KLHL23: variants seen among roughly 807,000 people sequenced by gnomAD.
KLHL23 encodes kelch like family member 23.
A neutral mutation model predicts 48.9 loss-of-function variants in KLHL23; 33 were observed. The observed-to-expected ratio is 0.67, with a 90% CI of 0.51 to 0.90. The LOEUF (loss-of-function observed/expected upper bound fraction) is 0.90. KLHL23 is among the 40% of genes least tolerant of loss of function. The pLI is 0.00. For synonymous variants in KLHL23, 234 were observed against 231.6 expected, an observed-to-expected ratio of 1.01 and a Z score of -0.09; for missense variants, 608 against 669.6, an observed-to-expected ratio of 0.91 and a Z score of 1.02.
In KLHL23 at chr2:169,736,160, A is replaced by T. The variant is rs143163061; in HGVS notation, c.1146A>T (p.Pro382=). The T allele has an allele frequency of 1.1e-4, 181 of 1,614,132 alleles. No individual in the cohort carries two copies. The highest frequency in any genetic ancestry group is 9.9e-4 in the Middle Eastern group (6 of 6,062). ...YALGGYRKGA[P]AEEAEFYDPL... is the part of the protein sequence containing the mutation. Reference sequence around the variant, plus strand: ...TAGGTGGTTACAGAAAAGGGGCTCCAGCAGAAGAGGCTGAGTTCTATGATC... The same window carrying T: ...TAGGTGGTTACAGAAAAGGGGCTCCTGCAGAAGAGGCTGAGTTCTATGATC... The change falls in exon 2 of 4, where the codon CCA becomes CCT. Residue 382 remains proline (P), a synonymous_variant. Coordinates refer to ENST00000392647, the MANE Select transcript of KLHL23 (RefSeq NM_144711.6).
At chr2:169,745,513 C>CA (rs1157957265) in intron 3 of KLHL23, among the ~76,000 whole-genome samples, 36,492 of 63,610 alleles carry the variant, frequency 0.57, 14,230 homozygotes, top group East Asian at 0.74. Context: ...GACTCCGTCT[C>CA]AAAAAAAAAA....
At position 169,741,263 on chromosome 2, in the gene KLHL23, T is replaced by G. The variant is rs528687875; in HGVS notation, c.1214-122T>G. 1.2e-5 allele frequency: 16 copies of G among 1,335,652 alleles called. No homozygotes were observed. The African/African-American group carries it at 1.9e-4, about 16-fold the overall frequency. 82.7% of individuals were successfully genotyped at this position (1,335,652 alleles called of 1,614,324 possible). A position where few individuals can be genotyped will look rare whatever the true frequency, so the allele number is the denominator to read the frequency against. Reference sequence around the variant, plus strand: ...TTTATTCTTTTGTCCCTTATAGCACTTAGCACAGTACCTTGCATTTTACCA... The same window carrying G: ...TTTATTCTTTTGTCCCTTATAGCACGTAGCACAGTACCTTGCATTTTACCA... On this transcript the variant is annotated intron_variant, in intron 2 of 3. Coordinates refer to ENST00000392647, the MANE Select transcript of KLHL23 (RefSeq NM_144711.6).
intron 3 of KLHL23, among the ~76,000 whole-genome samples, chr2:169,743,580 A>G (rs768159715): frequency 6.6e-6 from 1 of 152,242 alleles, no homozygotes; most frequent in Non-Finnish European, 1.5e-5. Flanking sequence ...TTAAAATTTA[A>G]GAGAATTTCA....
At chr2:169,738,614 G>C (rs1293586188) in intron 2 of KLHL23, among the ~76,000 whole-genome samples, 2 of 152,058 alleles carry the variant, frequency 1.3e-5, no homozygotes, top group East Asian at 3.9e-4. Flanking sequence ...ATACTTGGCT[G>C]TTTAGGAACT....
In KLHL23 at chr2:169,749,968, T is replaced by TGTATGTATAC. The variant is rs1688909182; in HGVS notation, c.*236_*237insGTATGTATAC. The TGTATGTATAC allele has an allele frequency of 2.9e-5, 4 of 136,002 alleles. No individual in the cohort carries two copies. Among genetic ancestry groups the TGTATGTATAC allele is most frequent in the Admixed American group, 2.8e-4 (4 of 14,150 alleles). The allele number at this position is 136,002 out of a possible 1,614,324, so 8.4% of individuals were successfully genotyped here. On this transcript the variant is annotated 3_prime_UTR_variant, in exon 4 of 4. Coordinates refer to ENST00000392647, the MANE Select transcript of KLHL23 (RefSeq NM_144711.6). ...ATATGTGTTCATATATATGTATACA[T>TGTATGTATAC]ATATATGTGTATATATACGTATGTA...
chr2:169,734,176 G>A (rs1447609581), intron 1 of KLHL23, 89 bp downstream of exon 1: 1 of 147,498 alleles, frequency 6.8e-6, no homozygotes, highest in African/African-American at 2.4e-5. Flanking sequence ...CGCGGGCAGC[G>A]GGGCCGGGCG....
Position 169,735,882 on chromosome 2 carries a change from C to T in KLHL23, c.868C>T (p.His290Tyr). Residue 290 changes from histidine (H) to tyrosine (Y), a missense_variant, in exon 2 of 4, where the codon CAC becomes TAC. Transcript: ENST00000392647. This position sits in a 1 kb window ranked among gnomAD's most constrained non-coding sequence, Gnocchi z 4.5. ...TTACTGGCATCCTTTATCAGAGGTT[C>T]ACATATGGGATCCTTTGACAAATGT... ...GYYWHPLSEV[H>Y]IWDPLTNVWI... 6.2e-7 allele frequency: 1 copy of T among 1,614,100 alleles called. No homozygotes were observed. The highest frequency in any genetic ancestry group is 1.1e-5 in the South Asian group (1 of 91,068).
rs1250227840 is a variant in KLHL23 at position 169,735,328 on chromosome 2, GA to G, written c.317del (p.Asn106MetfsTer17). On this transcript the variant is annotated frameshift_variant, in exon 2 of 4. Transcript: ENST00000392647. LOFTEE classifies it high-confidence loss of function. The surrounding 1 kb of genome is among the most constrained non-coding windows in gnomAD (Gnocchi z 4.5). ...AYTSQIEITK[R>X]NVQSLLEAAD... The stretch of plus-strand genomic sequence containing the variant: ...ACTTCCCAAATTGAAATAACTAAAA[GA>G]AATGTTCAAAGCCTGCTTGAGGCAG... 6.2e-7 allele frequency: 1 copy of G among 1,613,412 alleles called. No individual in the cohort carries two copies. The highest frequency in any genetic ancestry group is 2.2e-5 in the East Asian group (1 of 44,890).
At chr2:169,739,164 CGTCA>C (rs1688613761) in intron 2 of KLHL23, among the ~76,000 whole-genome samples, 1 of 149,368 alleles carries the variant, frequency 6.7e-6, no homozygotes, top group Non-Finnish European at 1.5e-5. Context: ...TTTGCCTCTG[CGTCA>C]GTCAGTCATC....
intron 1 of KLHL23, 43 bp from the exon 2 acceptor site, chr2:169,734,970 G>A: frequency 6.6e-7 from 1 of 1,507,958 alleles, no homozygotes; most frequent in Non-Finnish European, 8.8e-7. Context: ...TTGAGAGAAT[G>A]TGCAACATTG....
intron 2 of KLHL23, 155 bp from the exon 3 acceptor site, chr2:169,741,230 C>T (rs781728119): frequency 1.9e-5 from 18 of 952,648 alleles, no homozygotes; most frequent in Non-Finnish European, 2.5e-5. Flanking sequence ...CACAAAGAGC[C>T]TTCCTTTTTT....
chr2:169,740,471 C>T (rs541500379), intron 2 of KLHL23, among the ~76,000 whole-genome samples: 32 of 144,096 alleles, frequency 2.2e-4, no homozygotes, highest in Non-Finnish European at 3.9e-4. Flanking sequence ...TTTTTTGAGA[C>T]GGAGTCTCGC....
chr2:169,744,526 G>A (rs1344049813), intron 3 of KLHL23, among the ~76,000 whole-genome samples: 37 of 151,920 alleles, frequency 2.4e-4, no homozygotes, highest in Admixed American at 2.4e-3. Flanking sequence ...CAGTTGGAGA[G>A]CATGTCATGG....
chr2:169,735,196 A>G lies in KLHL23; in HGVS notation c.182A>G (p.Tyr61Cys). 6.2e-7 allele frequency: 1 copy of G among 1,609,794 alleles called. No individual in the cohort carries two copies. The highest frequency in any genetic ancestry group is 8.5e-7 in the Non-Finnish European group (1 of 1,179,054). Residue 61 changes from tyrosine to cysteine, a missense_variant, in exon 2 of 4, where the codon TAT becomes TGT. Physicochemically the swap from Tyr to Cys is radical, Grantham distance 194. Transcript: ENST00000392647. The surrounding 1 kb of genome is among the most constrained non-coding windows in gnomAD (Gnocchi z 4.5). Reference protein sequence around the residue: ...HRAVLAACSNYFKAMFTADMK... With the variant: ...HRAVLAACSNCFKAMFTADMK... ...GCCGTTTTAGCTGCTTGCAGCAATT[A>G]TTTTAAGGCAATGTTCACAGCTGAC...
Position 169,749,626 on chromosome 2 carries a change from T to A in KLHL23, c.1571T>A (p.Leu524His). The change falls in exon 4 of 4, where the codon CTT becomes CAT. Residue 524 changes from leucine to histidine, a missense_variant. Around this residue, in one of 3 missense-constraint regions of KLHL23, gnomAD observed 179 missense variants for 169.9 expected, o/e 1.05. Transcript: ENST00000392647. ...GGYSYSKGTYLQSIEKYDPDL... is the reference protein window; with the variant it reads ...GGYSYSKGTYHQSIEKYDPDL... ...TACTCCTACTCAAAGGGAACGTATCTTCAGAGCATTGAGAAATATGATCCA... is the reference window on the plus strand; with the variant it reads ...TACTCCTACTCAAAGGGAACGTATCATCAGAGCATTGAGAAATATGATCCA... 1 of 1,614,092 alleles carries A rather than the reference T, an allele frequency of 6.2e-7. No individual in the cohort carries two copies. The highest frequency in any genetic ancestry group is 8.5e-7 in the Non-Finnish European group (1 of 1,180,006).
rs890412161 is a variant in KLHL23 at position 169,750,690 on chromosome 2, G to A, written c.*958G>A. On this transcript the variant is annotated 3_prime_UTR_variant, in exon 4 of 4. Coordinates refer to ENST00000392647, the MANE Select transcript of KLHL23 (RefSeq NM_144711.6). ...TATACAAAATACTGTGCAAAAGATT[G>A]TTACTGTTCAAAGAGCTTACAAACT... 6.6e-6 allele frequency: 1 copy of A among 152,070 alleles called. No homozygotes were observed. The highest frequency in any genetic ancestry group is 6.6e-5 in the Admixed American group (1 of 15,264). The allele number at this position is 152,070 out of a possible 1,614,324, so 9.4% of individuals were successfully genotyped here.
At chr2:169,747,666 A>G (rs994394257) in intron 3 of KLHL23, among the ~76,000 whole-genome samples, 1 of 152,038 alleles carries the variant, frequency 6.6e-6, no homozygotes, top group South Asian at 2.1e-4. Flanking sequence ...CTTTCCTTCT[A>G]CGTTATAATG....
intron 3 of KLHL23, among the ~76,000 whole-genome samples, chr2:169,743,655 C>A (rs1317021456): frequency 1.3e-5 from 2 of 152,170 alleles, no homozygotes; most frequent in African/African-American, 4.8e-5. Context: ...GGATGTATTC[C>A]TTCTAGGCAG....
At position 169,749,802 on chromosome 2, in the gene KLHL23, T is replaced by G; in HGVS notation, c.*70T>G. On this transcript the variant is annotated 3_prime_UTR_variant, in exon 4 of 4. Transcript: ENST00000392647. ...GTTTTATAAAAAAAGAATGCAGGGT[T>G]TGAAGTTCCTTACCTGATAATTGTG... 6.6e-7 allele frequency: 1 copy of G among 1,508,802 alleles called. No individual in the cohort carries two copies. The highest frequency in any genetic ancestry group is 8.9e-7 in the Non-Finnish European group (1 of 1,122,904). The allele number at this position is 1,508,802 out of a possible 1,614,324, so 93.5% of individuals were successfully genotyped here.
Sources: allele counts gnomAD v4.1 joint callset (sites outside exome capture counted in the v4.1 genomes callset), GRCh38; gene constraint gnomAD v4.1.1; regional missense constraint gnomAD v4.1.1; non-coding constraint Gnocchi (gnomAD v3.1); transcripts MANE v1.5; gene names NCBI Gene and HGNC (gene_info 2026-07-23, HGNC 2026-07-21).